The following AP1G1 variants were observed in gnomAD, a reference collection of about 807,000 sequenced individuals.
AP1G1 encodes adaptor related protein complex 1 subunit gamma 1.
In AP1G1, 7 loss-of-function variants were observed where a neutral mutation model predicts 108.3. The observed-to-expected ratio is 0.06, with a 90% CI of 0.04 to 0.12. AP1G1 has a LOEUF of 0.12. Among genes scored for constraint, AP1G1 ranks in the 10% least tolerant of loss-of-function variants. The probability of loss-of-function intolerance (pLI) is 1.00; values close to 1 mark genes in which losing one functional copy is unlikely to be tolerated. For missense variants in AP1G1, 756 were observed against 1,010.7 expected, an observed-to-expected ratio of 0.75 and a Z score of 3.42; for synonymous variants, 379 against 353.5, an observed-to-expected ratio of 1.07 and a Z score of -0.81.
chr16:71,787,402 G>C (rs1256832108), intron 2 of AP1G1, among the ~76,000 whole-genome samples: 1 of 151,664 alleles, frequency 6.6e-6, no homozygotes, highest in African/African-American at 2.4e-5. Context: ...GCTGAGGTAG[G>C]AGAACTTGAG....
chr16:71,745,304 A>G, intron 18 of AP1G1, 34 bp from the exon 19 acceptor site: 2 of 1,613,200 alleles, frequency 1.2e-6, no homozygotes, highest in East Asian at 2.2e-5. Context: ...ATTCATTATT[A>G]TTTGATTTGT....
At chr16:71,793,041 C>G (rs2032461182) in intron 1 of AP1G1, among the ~76,000 whole-genome samples, 1 of 151,956 alleles carries the variant, frequency 6.6e-6, no homozygotes, top group South Asian at 2.1e-4. Context: ...TGGTGGCATG[C>G]ACCTGTGGTC....
At chr16:71,754,874 G>T (rs2030699023) in intron 12 of AP1G1, among the ~76,000 whole-genome samples, 1 of 151,984 alleles carries the variant, frequency 6.6e-6, no homozygotes, top group Non-Finnish European at 1.5e-5. Context: ...AATAAGAGTT[G>T]CTAAGCTGAG....
In AP1G1 at chr16:71,758,934, G is replaced by A; in HGVS notation, c.975-13C>T. 1 of 1,469,590 alleles carries A rather than the reference G, an allele frequency of 6.8e-7. No homozygotes were observed. Among genetic ancestry groups the A allele is most frequent in the Non-Finnish European group, 9.4e-7 (1 of 1,068,126 alleles). 91.0% of individuals were successfully genotyped at this position (1,469,590 alleles called of 1,614,324 possible). A position where few individuals can be genotyped will look rare whatever the true frequency, so the allele number is the denominator to read the frequency against. ...CAGAGCCACATATCTGGATGAAACA[G>A]TTGCAAAATAACAGAGTTAAAATGT... On this transcript the variant is annotated splice_polypyrimidine_tract_variant and intron_variant, in intron 10 of 22. Coordinates refer to ENST00000299980, the MANE Select transcript of AP1G1 (RefSeq NM_001128.6).
intron 9 of AP1G1, 145 bp from the exon 10 acceptor site, chr16:71,761,712 G>GT (rs1166930376): frequency 3.3e-5 from 17 of 515,708 alleles, no homozygotes; most frequent in Admixed American, 1.2e-4. Context: ...GCTCACGCCT[G>GT]TAATCCCAGA....
At chr16:71,781,890 T>A (rs1205918326) in intron 2 of AP1G1, among the ~76,000 whole-genome samples, 1 of 152,228 alleles carries the variant, frequency 6.6e-6, no homozygotes, top group African/African-American at 2.4e-5. Flanking sequence ...TTTGCTTTGT[T>A]CTGTTGTGAT....
intron 1 of AP1G1, among the ~76,000 whole-genome samples, chr16:71,796,119 G>C (rs1220988969): frequency 6.6e-6 from 1 of 152,122 alleles, no homozygotes; most frequent in Non-Finnish European, 1.5e-5. Flanking sequence ...TGCGTCTGTA[G>C]TCCTAGCTAT....
chr16:71,763,700 T>C (rs1462170317), intron 9 of AP1G1, among the ~76,000 whole-genome samples: 3 of 152,196 alleles, frequency 2.0e-5, no homozygotes, highest in African/African-American at 4.8e-5. Context: ...GTTATCTAAC[T>C]AGATACTATA....
intron 13 of AP1G1, chr16:71,751,433 C>G (rs529946335): frequency 6.7e-6 from 1 of 149,602 alleles, no homozygotes; most frequent in Admixed American, 6.7e-5. Flanking sequence ...AAGACTGAGA[C>G]CAGTCCTAAC....
intron 19 of AP1G1, among the ~76,000 whole-genome samples, chr16:71,739,820 T>C (rs2045596253): frequency 6.6e-6 from 1 of 150,598 alleles, no homozygotes; most frequent in Non-Finnish European, 1.5e-5. Context: ...AATGAATGGA[T>C]AAGTATCCAA....
In AP1G1 at chr16:71,732,710, G is replaced by C. The variant is rs898155602; in HGVS notation, c.*348C>G. ...GCAGAGACAAAGTGAGTGTTTTTTCGCCATGGATTGCAGTCCTCTCCTCCA... is the reference window on the plus strand; with the variant it reads ...GCAGAGACAAAGTGAGTGTTTTTTCCCCATGGATTGCAGTCCTCTCCTCCA... On this transcript the variant is annotated 3_prime_UTR_variant, in exon 23 of 23. Coordinates refer to ENST00000299980, the MANE Select transcript of AP1G1 (RefSeq NM_001128.6). 5.2e-6 allele frequency: 1 copy of C among 191,524 alleles called. No homozygotes were observed. The highest frequency in any genetic ancestry group is 1.3e-4 in the East Asian group (1 of 7,866). 11.9% of individuals were successfully genotyped at this position (191,524 alleles called of 1,614,324 possible).
chr16:71,769,810 C>T, intron 5 of AP1G1, 111 bp from the exon 6 acceptor site: 7 of 800,330 alleles, frequency 8.7e-6, no homozygotes, highest in Non-Finnish European at 1.4e-5. Flanking sequence ...GCTACTTTTG[C>T]TTTTTAATCC....
chr16:71,774,465 T>C lies in AP1G1; in HGVS notation c.326+3A>G. The C allele has an allele frequency of 1.9e-6, 3 of 1,591,284 alleles. No individual in the cohort carries two copies. The highest frequency in any genetic ancestry group is 2.6e-6 in the Non-Finnish European group (3 of 1,174,642). ...TGTTAGAAGAAAGAAAAGTAAGACT[T>C]ACTTCTTGATACAGTTGGTCATGAG... On this transcript the variant is annotated splice_donor_region_variant and intron_variant, in intron 3 of 22. Transcript: ENST00000299980.
intron 2 of AP1G1, among the ~76,000 whole-genome samples, chr16:71,777,313 T>G (rs1216577679): frequency 3.6e-5 from 5 of 138,908 alleles, no homozygotes; most frequent in East Asian, 2.2e-4. Flanking sequence ...TACCAGAGGG[T>G]GGGGGGAGCG....
intron 2 of AP1G1, among the ~76,000 whole-genome samples, chr16:71,778,647 C>A (rs2031881448): frequency 6.7e-6 from 1 of 148,260 alleles, no homozygotes; most frequent in African/African-American, 2.5e-5. Flanking sequence ...CGCGCCACTG[C>A]CCTCCAGCCA....
intron 1 of AP1G1, among the ~76,000 whole-genome samples, chr16:71,802,754 G>A (rs1439396138): frequency 2.0e-5 from 3 of 150,828 alleles, no homozygotes; most frequent in African/African-American, 7.3e-5. Flanking sequence ...TACAGCCAGA[G>A]TCCCACTGTG....
At chr16:71,774,684 T>TA (rs1333509330) in intron 2 of AP1G1, 92 bp from the exon 3 acceptor site, 1 of 1,304,326 alleles carries the variant, frequency 7.7e-7, no homozygotes, top group Non-Finnish European at 1.0e-6. Flanking sequence ...CCCAGCTGGC[T>TA]AAAGTAAAGT....
At chr16:71,750,482 T>G (rs1346136819) in intron 13 of AP1G1, 150 bp from the exon 14 acceptor site, 10 of 844,484 alleles carry the variant, frequency 1.2e-5, no homozygotes, top group African/African-American at 3.4e-5. Flanking sequence ...TAGCGCGATC[T>G]TGGCTCACTG....
intron 12 of AP1G1, among the ~76,000 whole-genome samples, chr16:71,755,024 G>T (rs568314393): frequency 2.0e-5 from 3 of 152,250 alleles, no homozygotes; most frequent in South Asian, 2.1e-4. Context: ...AATTCAGAGT[G>T]GAAAGAAGAG....
Sources: gnomAD v4.1 joint callset for allele counts (sites outside exome capture counted in the v4.1 genomes callset) on GRCh38, gnomAD v4.1.1 for gene constraint, MANE v1.5 for transcripts, NCBI Gene and HGNC (gene_info 2026-07-23, HGNC 2026-07-21) for gene names.